The following DCUN1D4 variants were observed in gnomAD, a reference collection of about 807,000 sequenced individuals.
The protein encoded by DCUN1D4 is DCN1-like protein 4.
In DCUN1D4, 22 loss-of-function variants were observed where a neutral mutation model predicts 47.9. That is an observed-to-expected ratio of 0.46 (90% CI 0.33 to 0.66). DCUN1D4 has a LOEUF of 0.66. Ranked by LOEUF, DCUN1D4 falls within the 30% of genes least tolerant of loss-of-function variation. The pLI is 0.02. For synonymous variants in DCUN1D4, 121 were observed against 112.2 expected, an observed-to-expected ratio of 1.08 and a Z score of -0.50; for missense variants, 301 against 340.8, an observed-to-expected ratio of 0.88 and a Z score of 0.92.
intron 7 of DCUN1D4, among the ~76,000 whole-genome samples, chr4:51,892,986 G>C (rs545942570): frequency 1.3e-5 from 2 of 152,188 alleles, no homozygotes; most frequent in Non-Finnish European, 2.9e-5. Context: ...GAATGCTTTC[G>C]CATTGTGCTT....
At chr4:51,834,103 C>CTT in the DCUN1D4 span, among the ~76,000 whole-genome samples, 4 of 42,574 alleles carry the variant, frequency 9.4e-5, 1 homozygote, top group East Asian at 2.2e-3. Flanking sequence ...TTTCTTCTTT[C>CTT]TTTTTTTTTT....
chr4:51,851,614 T>A (rs1723376362), intron 1 of DCUN1D4, among the ~76,000 whole-genome samples: 1 of 148,354 alleles, frequency 6.7e-6, no homozygotes, highest in Non-Finnish European at 1.5e-5. Context: ...CCAGGGAGAG[T>A]GTATGAGTGG....
intron 1 of DCUN1D4, among the ~76,000 whole-genome samples, chr4:51,850,519 G>T (rs1470322518): frequency 6.6e-6 from 1 of 152,176 alleles, no homozygotes; most frequent in Non-Finnish European, 1.5e-5. Context: ...CAGCTGCTCT[G>T]TGTGCGCTTC....
chr4:51,856,143 AT>A (rs1426579990), intron 1 of DCUN1D4, among the ~76,000 whole-genome samples: 1 of 152,098 alleles, frequency 6.6e-6, no homozygotes, highest in Non-Finnish European at 1.5e-5. Flanking sequence ...ATTTTGTCCA[AT>A]TTTGTTTTGC....
At chr4:51,836,883 A>G in the DCUN1D4 span, among the ~76,000 whole-genome samples, 1 of 152,274 alleles carries the variant, frequency 6.6e-6, no homozygotes, top group Non-Finnish European at 1.5e-5. Context: ...GGTCTCCTGT[A>G]CTGCCCTGAG....
At chr4:51,860,903 A>G (rs1482738446) in intron 1 of DCUN1D4, among the ~76,000 whole-genome samples, 1 of 152,202 alleles carries the variant, frequency 6.6e-6, no homozygotes, top group Non-Finnish European at 1.5e-5. Context: ...TTACAGAGGA[A>G]GCTCTGACCT....
intron 1 of DCUN1D4, among the ~76,000 whole-genome samples, chr4:51,852,596 CCTGT>C (rs1262534602): frequency 6.6e-6 from 1 of 152,034 alleles, no homozygotes; most frequent in Non-Finnish European, 1.5e-5. Context: ...TCTCTTCTGC[CCTGT>C]CTTTTTGTAG....
At chr4:51,912,641 C>T (rs939343810) in intron 9 of DCUN1D4, among the ~76,000 whole-genome samples, 1 of 152,174 alleles carries the variant, frequency 6.6e-6, no homozygotes, top group African/African-American at 2.4e-5. Flanking sequence ...TGGCAAATTT[C>T]TCGTCTAAGA....
chr4:51,855,486 C>T (rs1723997757), intron 1 of DCUN1D4, among the ~76,000 whole-genome samples: 1 of 152,148 alleles, frequency 6.6e-6, no homozygotes, highest in South Asian at 2.1e-4. Flanking sequence ...TTAGATGAGA[C>T]ATCTCTGATG....
intron 5 of DCUN1D4, among the ~76,000 whole-genome samples, chr4:51,885,459 C>CTGATA (rs1373095355): frequency 2.0e-5 from 3 of 152,130 alleles, no homozygotes; most frequent in Non-Finnish European, 4.4e-5. Flanking sequence ...ATAAGCAGGC[C>CTGATA]TGATATCGAG....
intron 9 of DCUN1D4, 38 bp from the exon 10 acceptor site, chr4:51,913,247 CATTTT>C (rs1733966332): frequency 8.0e-7 from 1 of 1,253,432 alleles, no homozygotes; most frequent in Non-Finnish European, 1.1e-6. Context: ...CCCATTTGTT[CATTTT>C]AAGTGTCAGT....
intron 1 of DCUN1D4, among the ~76,000 whole-genome samples, chr4:51,848,621 G>C (rs1226610437): frequency 6.6e-6 from 1 of 151,998 alleles, no homozygotes; most frequent in Non-Finnish European, 1.5e-5. Flanking sequence ...TTTACATTAG[G>C]AGAAGTACCT....
chr4:51,883,866 A>G (rs1729067811), intron 5 of DCUN1D4, among the ~76,000 whole-genome samples: 1 of 151,910 alleles, frequency 6.6e-6, no homozygotes, highest in Non-Finnish European at 1.5e-5. Context: ...CTTTTGGAAC[A>G]TTTTATTTTT....
chr4:51,848,365 C>T, intron 1 of DCUN1D4: 1 of 1,256,812 alleles, frequency 8.0e-7, no homozygotes, highest in Non-Finnish European at 1.0e-6. Context: ...GCAGCATTAA[C>T]AGGTCTGATG....
At chr4:51,874,775 G>T (rs1727424830) in intron 4 of DCUN1D4, 1 of 158,788 alleles carries the variant, frequency 6.3e-6, no homozygotes, top group African/African-American at 2.4e-5. Flanking sequence ...GTACTTAATG[G>T]TCTGTGCCCG....
chr4:51,842,379 C>A (rs1326596882), upstream of DCUN1D4, among the ~76,000 whole-genome samples: 2 of 152,146 alleles, frequency 1.3e-5, no homozygotes, highest in African/African-American at 4.8e-5. Context: ...TTCGAAGCCT[C>A]TTTAACAGAC....
upstream of DCUN1D4, chr4:51,842,897 C>T (rs1043499337): frequency 3.2e-5 from 13 of 409,780 alleles, no homozygotes; most frequent in Non-Finnish European, 5.1e-5. Flanking sequence ...CTCTCGGACC[C>T]CTGGGGGTGA....
At chr4:51,912,533 T>C (rs1733857530) in intron 9 of DCUN1D4, among the ~76,000 whole-genome samples, 1 of 152,236 alleles carries the variant, frequency 6.6e-6, no homozygotes, top group African/African-American at 2.4e-5. Flanking sequence ...ATTGTTTTAC[T>C]ATGTTTCTGA....
intron 1 of DCUN1D4, among the ~76,000 whole-genome samples, chr4:51,845,522 A>T (rs950961362): frequency 1.1e-4 from 17 of 152,282 alleles, no homozygotes; most frequent in African/African-American, 3.9e-4. Flanking sequence ...TTCTCTCCTT[A>T]ATACTAGAAA....
Sources: gnomAD v4.1 joint callset for allele counts (sites outside exome capture counted in the v4.1 genomes callset) on GRCh38, gnomAD v4.1.1 for gene constraint, MANE v1.5 for transcripts, NCBI Gene and HGNC (gene_info 2026-07-23, HGNC 2026-07-21) for gene names.